Variants in COL14A1 observed in about 807,000 individuals in gnomAD.
The protein encoded by COL14A1 is collagen alpha-1(XIV) chain.
Under a neutral mutation model 230.3 loss-of-function variants are expected in COL14A1, and 136 were observed. The ratio of observed to expected loss-of-function variants is 0.59; its 90% CI spans 0.51 to 0.68. The LOEUF (loss-of-function observed/expected upper bound fraction) is 0.68, where lower values mean the gene tolerates loss of function less well. Among genes scored for constraint, COL14A1 ranks in the 30% least tolerant of loss-of-function variants. The pLI is 0.00. For synonymous variants in COL14A1, 792 were observed against 784.1 expected (o/e 1.01, Z -0.17); for missense variants, 1,976 against 2,215.8 (o/e 0.89, Z 2.17).
At chr8:120,274,128 G>T (rs529861754) in intron 26 of COL14A1, among the ~76,000 whole-genome samples, 2 of 151,572 alleles carry the variant, frequency 1.3e-5, no homozygotes, top group Non-Finnish European at 3.0e-5. Context: ...AAGATAATAC[G>T]CTGTGATCAG....
Position 120,227,204 on chromosome 8 carries a change from C to T in COL14A1, c.2005-16C>T, listed in dbSNP as rs1400634762. On this transcript the variant is annotated splice_polypyrimidine_tract_variant and intron_variant, in intron 16 of 47. Coordinates refer to ENST00000297848, the MANE Select transcript of COL14A1 (RefSeq NM_021110.4). ...TTCAAATAAGCATAGTTACTAAGCA[C>T]CAAAATATATTTCAGGTTGTCCTGA... 7 of 1,612,166 alleles carry T rather than the reference C, an allele frequency of 4.3e-6. No homozygotes were observed. Among genetic ancestry groups the T allele is most frequent in the Non-Finnish European group, 5.9e-6 (7 of 1,179,276 alleles).
At chr8:120,178,035 T>C (rs1816341018) in intron 5 of COL14A1, among the ~76,000 whole-genome samples, 1 of 152,168 alleles carries the variant, frequency 6.6e-6, no homozygotes, top group Non-Finnish European at 1.5e-5. Flanking sequence ...CATGCAGTTA[T>C]TTGTTCTTCA....
At chr8:120,370,228 A>G in intron 47 of COL14A1, 1 of 1,198,852 alleles carries the variant, frequency 8.3e-7, no homozygotes, top group East Asian at 2.5e-5. Flanking sequence ...TTCAGTAGAA[A>G]TTTAACCTTA....
Position 120,192,410 on chromosome 8 carries a change from G to C in COL14A1, c.437-4381G>C, listed in dbSNP as rs1235062322. On this transcript the variant is annotated intron_variant, in intron 5 of 47. Coordinates refer to ENST00000297848, the MANE Select transcript of COL14A1 (RefSeq NM_021110.4). The stretch of plus-strand genomic sequence containing the variant: ...CTGGCTTGTAGAGTTTCTGCCGAGA[G>C]ATCCACTGTTAGTCTGATGGGCTTC... Among the ~76,000 whole-genome samples the C allele has an allele frequency of 4.1e-4, 63 of 151,934 alleles. 1 individual carries two copies. Among genetic ancestry groups the C allele is most frequent in the Admixed American group, 2.5e-3 (38 of 15,260 alleles).
At chr8:120,338,006 C>T (rs536782555) in intron 42 of COL14A1, among the ~76,000 whole-genome samples, 1 of 152,298 alleles carries the variant, frequency 6.6e-6, no homozygotes, top group East Asian at 1.9e-4. Flanking sequence ...TCCGTCCCTA[C>T]ATACCAAAAG....
In COL14A1 at chr8:120,328,910, G is replaced by A. The variant is rs141196746; in HGVS notation, c.4660-3231G>A. On this transcript the variant is annotated intron_variant, in intron 40 of 47. Coordinates refer to ENST00000297848, the MANE Select transcript of COL14A1 (RefSeq NM_021110.4). Reference sequence around the variant, plus strand: ...CGAGCAGAGACTTGGGGAGAACTCCGCAGTAATGCTGCAGTTTTGGTTGCT... The same window carrying A: ...CGAGCAGAGACTTGGGGAGAACTCCACAGTAATGCTGCAGTTTTGGTTGCT... Among the ~76,000 whole-genome samples, 271 of 152,252 alleles carry A rather than the reference G, an allele frequency of 1.8e-3. 1 individual carries two copies. The highest frequency in any genetic ancestry group is 6.3e-3 in the African/African-American group (260 of 41,544).
In COL14A1 at chr8:120,283,628, A is replaced by G. The variant is rs778036999; in HGVS notation, c.3825-8A>G. 20 of 1,587,214 alleles carry G rather than the reference A, an allele frequency of 1.3e-5. No individual in the cohort carries two copies. In the African/African-American group the frequency reaches 1.6e-4, roughly 13 times the overall value. ...TACAATGAAACATGGTTTTCTTTCT[A>G]TGTTCAGGTACTTGCACCCAGAAGG... On this transcript the variant is annotated splice_polypyrimidine_tract_variant and splice_region_variant and intron_variant, in intron 31 of 47. Transcript: ENST00000297848.
chr8:120,201,056 T>C (rs1817233714), intron 8 of COL14A1, among the ~76,000 whole-genome samples: 1 of 151,896 alleles, frequency 6.6e-6, no homozygotes, highest in Admixed American at 6.6e-5. Context: ...TAAGATAGCA[T>C]TATTTCCCTT....
intron 2 of COL14A1, among the ~76,000 whole-genome samples, chr8:120,155,884 C>T (rs1368018568): frequency 1.3e-5 from 2 of 152,086 alleles, no homozygotes; most frequent in Non-Finnish European, 2.9e-5. Flanking sequence ...CTTCCTCTTC[C>T]ATTTGAAAAA....
chr8:120,373,144 T>A lies in COL14A1; in HGVS notation c.*1913T>A, dbSNP rs1244292987. Among the ~76,000 whole-genome samples the A allele has an allele frequency of 6.6e-6, 1 of 152,198 alleles. No homozygotes were observed. Among genetic ancestry groups the A allele is most frequent in the African/African-American group, 2.4e-5 (1 of 41,446 alleles). ...AGGATATTCTATACATTTTAGTATT[T>A]GGCCCTTGGAAACAAAGTTAAATAC... On this transcript the variant is annotated 3_prime_UTR_variant, in exon 48 of 48. Coordinates refer to ENST00000297848, the MANE Select transcript of COL14A1 (RefSeq NM_021110.4).
rs1449085123 is a variant in COL14A1, at chr8:120,278,125, G to C, written c.3228G>C (p.Gln1076His). The C allele has an allele frequency of 6.2e-7, 1 of 1,608,190 alleles. No individual in the cohort carries two copies. Among genetic ancestry groups the C allele is most frequent in the African/African-American group, 1.3e-5 (1 of 74,516 alleles). Residue 1076 changes from glutamine to histidine, a missense_variant, in exon 27 of 48, where the codon CAG becomes CAC. Coordinates refer to ENST00000297848, the MANE Select transcript of COL14A1 (RefSeq NM_021110.4). ...GTDGTQVAMV[Q>H]FTDDPRTEFK... is the part of the protein sequence containing the mutation. ...TCTCTCTCCAGGTTGCAATGGTTCAGTTCACTGATGATCCCAGAACAGAAT... is the reference window on the plus strand; with the variant it reads ...TCTCTCTCCAGGTTGCAATGGTTCACTTCACTGATGATCCCAGAACAGAAT...
chr8:120,309,875 A>G, intron 36 of COL14A1, 134 bp from the exon 37 acceptor site: 2 of 646,738 alleles, frequency 3.1e-6, no homozygotes, highest in Admixed American at 3.1e-5. Context: ...GATCATGATG[A>G]ATGTATACTA....
intron 1 of COL14A1, among the ~76,000 whole-genome samples, chr8:120,126,066 G>A (rs1317151325): frequency 6.6e-6 from 1 of 152,206 alleles, no homozygotes; most frequent in Non-Finnish European, 1.5e-5. Flanking sequence ...TGTAATATTG[G>A]AGAATCCTCT....
intron 45 of COL14A1, among the ~76,000 whole-genome samples, chr8:120,347,965 T>A (rs1216502854): frequency 6.6e-6 from 1 of 152,078 alleles, no homozygotes; most frequent in African/African-American, 2.4e-5. Context: ...GAAATGAGGC[T>A]CACTTTCTGC....
chr8:120,178,166 T>C (rs979833980), intron 5 of COL14A1, among the ~76,000 whole-genome samples: 1 of 152,130 alleles, frequency 6.6e-6, no homozygotes, highest in Non-Finnish European at 1.5e-5. Context: ...ACACGTGGCA[T>C]GGTGGTTTGC....
chr8:120,262,751 G>A (rs1436122442), intron 23 of COL14A1, 117 bp from the exon 24 acceptor site: 2 of 887,208 alleles, frequency 2.3e-6, no homozygotes, highest in Non-Finnish European at 3.3e-6. Context: ...AACTCATTCT[G>A]GAGTTATCTG....
At chr8:120,357,276 A>T (rs1823020630) in intron 45 of COL14A1, among the ~76,000 whole-genome samples, 1 of 152,178 alleles carries the variant, frequency 6.6e-6, no homozygotes. Flanking sequence ...AGATGGTGCC[A>T]TCACAGGACT....
intron 5 of COL14A1, among the ~76,000 whole-genome samples, chr8:120,182,561 T>C (rs1816495540): frequency 6.6e-6 from 1 of 152,110 alleles, no homozygotes; most frequent in African/African-American, 2.4e-5. Flanking sequence ...TAAATGGGAA[T>C]ATAATACACT....
At chr8:120,299,914 C>T (rs373964961) in intron 35 of COL14A1, among the ~76,000 whole-genome samples, 18 of 152,164 alleles carry the variant, frequency 1.2e-4, no homozygotes, top group African/African-American at 4.1e-4. Flanking sequence ...TAAATAATGA[C>T]TAGGTTTTTC....
Sources: gnomAD v4.1 joint callset for allele counts (sites outside exome capture counted in the v4.1 genomes callset) on GRCh38, gnomAD v4.1.1 for gene constraint, MANE v1.5 for transcripts, NCBI Gene and HGNC (gene_info 2026-07-23, HGNC 2026-07-21) for gene names.